The following PMS1 variants were observed in gnomAD, a reference collection of about 807,000 sequenced individuals.
The protein encoded by PMS1 is PMS1 homolog 1, mismatch repair system component.
Under a neutral mutation model 93.1 loss-of-function variants are expected in PMS1, and 79 were observed. That is an observed-to-expected ratio of 0.85 (90% CI 0.71 to 1.02). PMS1 has a LOEUF of 1.02. Ranked by LOEUF, PMS1 falls within the 50% of genes least tolerant of loss-of-function variation. PMS1 has a pLI of 0.00. For missense variants in PMS1, 1,064 were observed against 1,085.3 expected (o/e 0.98, Z 0.28); for synonymous variants, 335 against 363.4 (o/e 0.92, Z 0.89).
intron 9 of PMS1, 35 bp downstream of exon 9, chr2:189,855,163 T>A: frequency 6.4e-7 from 1 of 1,562,694 alleles, no homozygotes; most frequent in African/African-American, 1.4e-5. Context: ...ACTTGAATGT[T>A]CAGCTATTTC....
chr2:189,791,674 A>C (rs2048883774), intron 1 of PMS1, 116 bp from the exon 2 acceptor site: 1 of 719,816 alleles, frequency 1.4e-6, no homozygotes, highest in Admixed American at 2.0e-5. Flanking sequence ...AGTTGAGCGT[A>C]GCATACAGTA....
intron 4 of PMS1, among the ~76,000 whole-genome samples, chr2:189,816,931 T>C (rs1032603080): frequency 3.3e-5 from 5 of 152,016 alleles, no homozygotes; most frequent in African/African-American, 4.8e-5. Flanking sequence ...TGATGCACTC[T>C]ATTTTTCTAG....
intron 6 of PMS1, among the ~76,000 whole-genome samples, chr2:189,850,442 G>C (rs544173358): frequency 2.8e-4 from 43 of 152,304 alleles, no homozygotes; most frequent in South Asian, 1.0e-3. Context: ...ACCAAGTTTT[G>C]AATGTGGTGA....
At chr2:189,794,877 G>T (rs975322626) in intron 2 of PMS1, among the ~76,000 whole-genome samples, 1 of 152,046 alleles carries the variant, frequency 6.6e-6, no homozygotes, top group Non-Finnish European at 1.5e-5. Flanking sequence ...CAGGAGGATC[G>T]CTTGGAGCCA....
intron 6 of PMS1, among the ~76,000 whole-genome samples, chr2:189,851,130 T>C: frequency 6.6e-6 from 1 of 152,192 alleles, no homozygotes; most frequent in East Asian, 1.9e-4. Flanking sequence ...GTCTACTGTT[T>C]TATTTTACTT....
intron 5 of PMS1, among the ~76,000 whole-genome samples, chr2:189,818,851 T>C (rs761056046): frequency 3.0e-4 from 46 of 152,342 alleles, no homozygotes; most frequent in South Asian, 2.7e-3. Flanking sequence ...TCTTTTCCTT[T>C]AAAGACTTCA....
chr2:189,843,837 T>C, intron 5 of PMS1, 127 bp from the exon 6 acceptor site: 1 of 786,054 alleles, frequency 1.3e-6, no homozygotes, highest in Non-Finnish European at 2.2e-6. Context: ...AGCTCATGAA[T>C]CTCTTCTAAG....
intron 12 of PMS1, among the ~76,000 whole-genome samples, chr2:189,876,045 G>A (rs1306483215): frequency 8.0e-6 from 1 of 124,716 alleles, no homozygotes; most frequent in Non-Finnish European, 1.5e-5. Context: ...GGTTTAGAAA[G>A]AAGAAACTGA....
chr2:189,807,732 TTAAG>T (rs1248621751), intron 4 of PMS1, among the ~76,000 whole-genome samples: 1 of 152,206 alleles, frequency 6.6e-6, no homozygotes, highest in Non-Finnish European at 1.5e-5. Context: ...GTCTTATACC[TTAAG>T]TAAGTGAGAC....
At chr2:189,809,465 TTTTTTTTTTG>T in intron 4 of PMS1, among the ~76,000 whole-genome samples, 1 of 148,060 alleles carries the variant, frequency 6.8e-6, no homozygotes, top group South Asian at 2.1e-4. Context: ...TTTTTTTTTT[TTTTTTTTTTG>T]CTTTTTGAGA....
At chr2:189,849,386 A>G (rs1393538144) in intron 6 of PMS1, among the ~76,000 whole-genome samples, 1 of 152,094 alleles carries the variant, frequency 6.6e-6, no homozygotes, top group African/African-American at 2.4e-5. Flanking sequence ...ATTTGTTTTC[A>G]TATTCTTCTC....
At chr2:189,837,453 C>G (rs552454421) in intron 5 of PMS1, among the ~76,000 whole-genome samples, 1 of 152,288 alleles carries the variant, frequency 6.6e-6, no homozygotes, top group South Asian at 2.1e-4. Context: ...AAGTATGAAG[C>G]AGGGGACATT....
At chr2:189,851,033 A>G (rs1041720895) in intron 6 of PMS1, among the ~76,000 whole-genome samples, 1 of 152,180 alleles carries the variant, frequency 6.6e-6, no homozygotes, top group African/African-American at 2.4e-5. Flanking sequence ...AGTCTTATCT[A>G]ATTTTCAATT....
chr2:189,823,862 C>A (rs1317176807), intron 5 of PMS1, among the ~76,000 whole-genome samples: 1 of 152,114 alleles, frequency 6.6e-6, no homozygotes, highest in Non-Finnish European at 1.5e-5. Context: ...CATATAAAGT[C>A]AGGCTGGATA....
At chr2:189,865,730 A>G (rs2106522356) in intron 10 of PMS1, among the ~76,000 whole-genome samples, 1 of 152,336 alleles carries the variant, frequency 6.6e-6, no homozygotes, top group South Asian at 2.1e-4. Flanking sequence ...TGACTAACCT[A>G]TTAACATTTC....
chr2:189,810,389 A>G (rs756816614), intron 4 of PMS1, among the ~76,000 whole-genome samples: 22 of 152,250 alleles, frequency 1.4e-4, no homozygotes, highest in Non-Finnish European at 3.2e-4. Flanking sequence ...ACATCCTCCT[A>G]GAAAAGAAGT....
chr2:189,796,085 G>A (rs1302810373), intron 3 of PMS1, 134 bp downstream of exon 3: 8 of 741,398 alleles, frequency 1.1e-5, no homozygotes, highest in East Asian at 8.3e-5. Context: ...TAAGCCGGGC[G>A]AGGTGGCTCA....
chr2:189,828,125 C>T (rs1393867968), intron 5 of PMS1, among the ~76,000 whole-genome samples: 1 of 151,994 alleles, frequency 6.6e-6, no homozygotes, highest in Admixed American at 6.6e-5. Context: ...GGGGTTTCAC[C>T]ATATTAGCCA....
chr2:189,836,178 T>G (rs2053371616), intron 5 of PMS1, among the ~76,000 whole-genome samples: 1 of 152,254 alleles, frequency 6.6e-6, no homozygotes, highest in Non-Finnish European at 1.5e-5. Context: ...GGTTTACTAA[T>G]TAAATATCGA....
Sources: allele counts gnomAD v4.1 joint callset (sites outside exome capture counted in the v4.1 genomes callset), GRCh38; gene constraint gnomAD v4.1.1; transcripts MANE v1.5; gene names NCBI Gene and HGNC (gene_info 2026-07-23, HGNC 2026-07-21).